MAGI1: variants seen among roughly 807,000 people sequenced by gnomAD.
MAGI1 encodes membrane associated guanylate kinase, WW and PDZ domain containing 1.
Under a neutral mutation model 139.9 loss-of-function variants are expected in MAGI1, and 58 were observed. The observed-to-expected ratio is 0.41, with a 90% CI of 0.34 to 0.52. MAGI1 has a LOEUF of 0.52. MAGI1 is among the 20% of genes least tolerant of loss of function. MAGI1 has a pLI of 0.12. For missense variants in MAGI1, 1,874 were observed against 1,901.6 expected, an observed-to-expected ratio of 0.99 and a Z score of 0.27; for synonymous variants, 812 against 737.9, an observed-to-expected ratio of 1.10 and a Z score of -1.63.
intron 13 of MAGI1, among the ~76,000 whole-genome samples, chr3:65,395,596 T>A (rs1478995219): frequency 8.6e-6 from 1 of 116,056 alleles, no homozygotes; most frequent in Non-Finnish European, 1.7e-5. Context: ...GAGATCACAC[T>A]ACTGCACTCC....
At chr3:65,613,365 G>A (rs1002272121) in intron 2 of MAGI1, among the ~76,000 whole-genome samples, 2 of 152,124 alleles carry the variant, frequency 1.3e-5, no homozygotes, top group East Asian at 3.9e-4. Flanking sequence ...AAGTGGTGAG[G>A]TCTGATCTAA....
At chr3:65,734,256 G>C (rs916454314) in intron 1 of MAGI1, among the ~76,000 whole-genome samples, 1 of 152,074 alleles carries the variant, frequency 6.6e-6, no homozygotes, top group African/African-American at 2.4e-5. Context: ...GATCCCAGGA[G>C]TTCGAGCACC....
intron 1 of MAGI1, among the ~76,000 whole-genome samples, chr3:65,786,331 C>A (rs1409322032): frequency 2.0e-5 from 3 of 149,406 alleles, no homozygotes; most frequent in Admixed American, 6.8e-5. Flanking sequence ...GAGACCCACA[C>A]CAAACTGAAG....
intron 1 of MAGI1, among the ~76,000 whole-genome samples, chr3:66,035,707 C>T (rs947621478): frequency 6.6e-6 from 1 of 151,808 alleles, no homozygotes; most frequent in African/African-American, 2.4e-5. Context: ...CATACATATA[C>T]ACACACACAC....
chr3:65,486,531 T>A (rs1951648871), intron 3 of MAGI1, among the ~76,000 whole-genome samples: 1 of 152,238 alleles, frequency 6.6e-6, no homozygotes, highest in Admixed American at 6.5e-5. Flanking sequence ...TGATTTATTT[T>A]AAGCACCATA....
At chr3:65,845,260 AAAGAG>A (rs1359832493) in intron 1 of MAGI1, among the ~76,000 whole-genome samples, 1 of 151,888 alleles carries the variant, frequency 6.6e-6, no homozygotes, top group Non-Finnish European at 1.5e-5. Context: ...TCAAAAAAAA[AAAGAG>A]AAGAGAAGAG....
intron 1 of MAGI1, among the ~76,000 whole-genome samples, chr3:65,631,422 G>A (rs567712181): frequency 6.6e-6 from 1 of 152,148 alleles, no homozygotes; most frequent in South Asian, 2.1e-4. Context: ...TAGTTTTAAG[G>A]GCTACGTAGT....
chr3:65,618,119 G>A (rs75340907), intron 2 of MAGI1, among the ~76,000 whole-genome samples: 1 of 152,138 alleles, frequency 6.6e-6, no homozygotes, highest in Non-Finnish European at 1.5e-5. Flanking sequence ...TAGATAGGCA[G>A]CGAAATAGGA....
intron 22 of MAGI1, chr3:65,360,473 A>C: frequency 1.0e-6 from 1 of 985,088 alleles, no homozygotes; most frequent in Non-Finnish European, 1.2e-6. Flanking sequence ...GTCTACTCAA[A>C]TCAAGTCTAA....
At position 65,530,659 on chromosome 3, in the gene MAGI1, G is replaced by C. The variant is rs76028118; in HGVS notation, c.431-37028C>G. Reference sequence around the variant, plus strand: ...TGTGTGTGTGTGTGTGTGTGTGTGTGTGTATATATATATACATATATATAT... The same window carrying C: ...TGTGTGTGTGTGTGTGTGTGTGTGTCTGTATATATATATACATATATATAT... On this transcript the variant is annotated intron_variant, in intron 2 of 22. Coordinates refer to ENST00000402939, the MANE Select transcript of MAGI1 (RefSeq NM_001033057.2). Among the ~76,000 whole-genome samples, 4 of 81,180 alleles carry C rather than the reference G, an allele frequency of 4.9e-5. 1 individual carries two copies. The highest frequency in any genetic ancestry group is 2.0e-4 in the African/African-American group (4 of 20,232). 53.3% of individuals were successfully genotyped at this position (81,180 alleles called of 152,430 possible).
At chr3:65,661,755 T>C (rs1359632680) in intron 1 of MAGI1, among the ~76,000 whole-genome samples, 3 of 138,684 alleles carry the variant, frequency 2.2e-5, no homozygotes, top group South Asian at 2.4e-4. Context: ...GTTTTTTTTT[T>C]TTTTTTTTTT....
intron 10 of MAGI1, among the ~76,000 whole-genome samples, chr3:65,432,741 G>T (rs1307650525): frequency 6.6e-6 from 1 of 152,144 alleles, no homozygotes; most frequent in Admixed American, 6.5e-5. Flanking sequence ...AAATTGAGGT[G>T]AGGTAAGATA....
intron 2 of MAGI1, among the ~76,000 whole-genome samples, chr3:65,552,775 C>T (rs2079903603): frequency 6.6e-6 from 1 of 152,174 alleles, no homozygotes; most frequent in East Asian, 1.9e-4. Context: ...TTTAGGAAAT[C>T]TAACTTAATT....
chr3:65,687,201 C>T (rs957938025), intron 1 of MAGI1: 5 of 168,548 alleles, frequency 3.0e-5, no homozygotes, highest in South Asian at 1.5e-4. Context: ...TTAAGACCAG[C>T]CTGAATAACA....
chr3:65,895,013 A>T (rs1182784102), intron 1 of MAGI1, among the ~76,000 whole-genome samples: 1 of 152,256 alleles, frequency 6.6e-6, no homozygotes, highest in East Asian at 1.9e-4. Context: ...GAATGGTTGG[A>T]AACGGAGGTG....
At chr3:65,833,736 G>C (rs2042655741) in intron 1 of MAGI1, among the ~76,000 whole-genome samples, 1 of 152,166 alleles carries the variant, frequency 6.6e-6, no homozygotes, top group African/African-American at 2.4e-5. Context: ...TAGGTGGCAG[G>C]CTTCAGCATG....
rs148396962 is a variant in MAGI1 at position 65,805,530 on chromosome 3, C to T, written c.314-183442G>A. On this transcript the variant is annotated intron_variant, in intron 1 of 22. Coordinates refer to ENST00000402939, the MANE Select transcript of MAGI1 (RefSeq NM_001033057.2). ...TCAACCATTGTGGAAGACAGTGTGG[C>T]GATTCCTCAAGGATCTAGAACCAGA... 4.2e-3 allele frequency among the ~76,000 whole-genome samples: 639 copies of T among 152,252 alleles called. 9 individuals are homozygous for T. The highest frequency in any genetic ancestry group is 0.015 in the African/African-American group (611 of 41,556).
chr3:65,878,817 T>A (rs986675063), intron 1 of MAGI1, among the ~76,000 whole-genome samples: 18 of 152,166 alleles, frequency 1.2e-4, no homozygotes, highest in Non-Finnish European at 2.4e-4. Context: ...TGGACTGATT[T>A]AACGACCATC....
chr3:65,524,021 A>G (rs2078276671), intron 2 of MAGI1, among the ~76,000 whole-genome samples: 1 of 152,210 alleles, frequency 6.6e-6, no homozygotes, highest in Non-Finnish European at 1.5e-5. Context: ...AACTTTGAAA[A>G]GGGAAGAGAG....
Sources: allele counts gnomAD v4.1 joint callset (sites outside exome capture counted in the v4.1 genomes callset), GRCh38; gene constraint gnomAD v4.1.1; transcripts MANE v1.5; gene names NCBI Gene and HGNC (gene_info 2026-07-23, HGNC 2026-07-21).